Variants in ZNF133 observed in about 807,000 individuals in gnomAD.
ZNF133 encodes zinc finger protein 133 (clone pHZ-13).
In ZNF133, 26 loss-of-function variants were observed where a neutral mutation model predicts 54.9. The ratio of observed to expected loss-of-function variants is 0.47; its 90% CI spans 0.35 to 0.66. ZNF133 has a LOEUF of 0.66. Ranked by LOEUF, ZNF133 falls within the 30% of genes least tolerant of loss-of-function variation. The pLI is 0.01. For synonymous variants in ZNF133, 298 were observed against 320.3 expected (o/e 0.93, Z 0.74); for missense variants, 653 against 820.8 (o/e 0.80, Z 2.50).
chr20:18,306,163 C>A (rs2044541119), intron 5 of ZNF133, 135 bp from the exon 6 acceptor site: 2 of 764,382 alleles, frequency 2.6e-6, no homozygotes, highest in African/African-American at 3.5e-5. Context: ...CCTTCCATTT[C>A]TGAGAGCCCC....
chr20:18,306,756 A>G, intron 6 of ZNF133: 1 of 1,321,496 alleles, frequency 7.6e-7, no homozygotes, highest in Non-Finnish European at 9.9e-7. Context: ...AGGCAAGCCC[A>G]GTGGGAGGAA....
intron 1 of ZNF133, chr20:18,290,081 G>A: frequency 6.6e-6 from 1 of 152,434 alleles, no homozygotes; most frequent in Non-Finnish European, 1.5e-5. Flanking sequence ...TCAGGTGGGT[G>A]CCACTTACCT....
At chr20:18,303,183 A>AT (rs1215480378) in intron 3 of ZNF133, among the ~76,000 whole-genome samples, 1 of 151,712 alleles carries the variant, frequency 6.6e-6, no homozygotes, top group Non-Finnish European at 1.5e-5. Flanking sequence ...AGTAGCTGGG[A>AT]TTATAGGTGC....
At chr20:18,288,841 A>G (rs1002819161) in intron 1 of ZNF133, among the ~76,000 whole-genome samples, 1 of 151,962 alleles carries the variant, frequency 6.6e-6, no homozygotes, top group African/African-American at 2.4e-5. Context: ...GTGAAACTGG[A>G]TGGTGATGAG....
In ZNF133 at chr20:18,316,702, C is replaced by T. The variant is rs1315221380; in HGVS notation, c.1851C>T (p.Leu617=). 6.2e-7 allele frequency: 1 copy of T among 1,614,090 alleles called. No homozygotes were observed. Among genetic ancestry groups the T allele is most frequent in the African/African-American group, 1.3e-5 (1 of 74,932 alleles). ...AGACGTGTGGGCGGGGCTTCAGCCT[C>T]AAGTCTCACCTCAGCAGACACAGGA... ...VCKTCGRGFS[L]KSHLSRHRKT... Residue 617 remains leucine, a synonymous_variant, in exon 7 of 7, where the codon CTC becomes CTT. Coordinates refer to ENST00000425686, the MANE Select transcript of ZNF133 (RefSeq NM_001352452.2).
rs754456291 is a variant in ZNF133 at position 18,316,432 on chromosome 20, C to T, written c.1581C>T (p.Cys527=). 6.8e-6 allele frequency: 11 copies of T among 1,613,514 alleles called. No homozygotes were observed. Among genetic ancestry groups the T allele is most frequent in the Admixed American group, 1.7e-5 (1 of 59,974 alleles). The change falls in exon 7 of 7, where the codon TGC becomes TGT. Residue 527 remains cysteine, a synonymous_variant. Coordinates refer to ENST00000425686, the MANE Select transcript of ZNF133 (RefSeq NM_001352452.2). ...AGAGGCCGTATGTGTGCCGAGAGTG[C>T]GGGCGAGGCTTTAGCCACCAGGCCG... is the stretch of plus-strand genomic sequence containing the variant. ...SGERPYVCRE[C]GRGFSHQAGL... is the part of the protein sequence containing the mutation.
Position 18,288,565 on chromosome 20 carries a change from G to C in ZNF133, c.-471G>C. On this transcript the variant is annotated 5_prime_UTR_variant, in exon 1 of 7. Transcript: ENST00000425686. ...GGCGCCCCGCTGGAGGAGCTCCCCA[G>C]CTGGTGGCTGGAGCGACCCCTTGTT... 1 of 398,714 alleles carries C rather than the reference G, an allele frequency of 2.5e-6. No individual in the cohort carries two copies. The highest frequency in any genetic ancestry group is 2.1e-5 in the African/African-American group (1 of 48,770). 24.7% of individuals were successfully genotyped at this position (398,714 alleles called of 1,614,324 possible).
rs1302305602 is a variant in ZNF133 at position 18,305,470 on chromosome 20, G to A, written c.-6-211G>A. On this transcript the variant is annotated intron_variant, in intron 4 of 6. Coordinates refer to ENST00000425686, the MANE Select transcript of ZNF133 (RefSeq NM_001352452.2). This position sits in a 1 kb window ranked among gnomAD's most constrained non-coding sequence, Gnocchi z 4.7. Reference sequence around the variant, plus strand: ...ACTCCATTTTGTGCACATATACCCTGTGTGGCCCCCCAGGATCTTGACTGT... The same window carrying A: ...ACTCCATTTTGTGCACATATACCCTATGTGGCCCCCCAGGATCTTGACTGT... Among the ~76,000 whole-genome samples, 2 of 152,096 alleles carry A rather than the reference G, an allele frequency of 1.3e-5. No homozygotes were observed. The highest frequency in any genetic ancestry group is 2.9e-5 in the Non-Finnish European group (2 of 68,022).
chr20:18,297,794 AC>A (rs1280662542), intron 1 of ZNF133, among the ~76,000 whole-genome samples, 190 bp from the exon 2 acceptor site: 1 of 151,648 alleles, frequency 6.6e-6, no homozygotes, highest in African/African-American at 2.4e-5. Flanking sequence ...GTTTTGGAAG[AC>A]CCTGGATTAC....
chr20:18,301,409 A>C (rs928143828), intron 3 of ZNF133, among the ~76,000 whole-genome samples: 1 of 152,094 alleles, frequency 6.6e-6, no homozygotes, highest in Non-Finnish European at 1.5e-5. Context: ...GAAGGAAATA[A>C]TAAACACTGG....
In ZNF133 at chr20:18,305,021, T is replaced by G; in HGVS notation, c.-164T>G. 2.0e-6 allele frequency: 2 copies of G among 985,404 alleles called. No individual in the cohort carries two copies. The highest frequency in any genetic ancestry group is 2.4e-6 in the Non-Finnish European group (2 of 829,954). 61.0% of individuals were successfully genotyped at this position (985,404 alleles called of 1,614,324 possible). A position where few individuals can be genotyped will look rare whatever the true frequency, so the allele number is the denominator to read the frequency against. On this transcript the variant is annotated 5_prime_UTR_variant, in exon 4 of 7. Coordinates refer to ENST00000425686, the MANE Select transcript of ZNF133 (RefSeq NM_001352452.2). The surrounding 1 kb of genome is among the most constrained non-coding windows in gnomAD (Gnocchi z 4.7). Reference sequence around the variant, plus strand: ...TCTCTATTCCAGTGTGTCCTCCATTTGGAAGTAGTGCTAAGAAAATTAAAA... The same window carrying G: ...TCTCTATTCCAGTGTGTCCTCCATTGGGAAGTAGTGCTAAGAAAATTAAAA...
chr20:18,310,016 C>T (rs954248124), intron 6 of ZNF133, among the ~76,000 whole-genome samples: 3 of 152,160 alleles, frequency 2.0e-5, no homozygotes, highest in Admixed American at 2.0e-4. Context: ...TACACCCTGA[C>T]CTTTGTACAT....
At chr20:18,298,775 A>T (rs1668773301) in intron 3 of ZNF133, among the ~76,000 whole-genome samples, 2 of 152,112 alleles carry the variant, frequency 1.3e-5, no homozygotes, top group African/African-American at 4.8e-5. Context: ...CCCCCACTGA[A>T]GTTCTCTTTT....
Position 18,315,371 on chromosome 20 carries a change from C to G in ZNF133, c.520C>G (p.Pro174Ala), listed in dbSNP as rs2047215847. 2 of 1,614,144 alleles carry G rather than the reference C, an allele frequency of 1.2e-6. No individual in the cohort carries two copies. The highest frequency in any genetic ancestry group is 1.7e-6 in the Non-Finnish European group (2 of 1,180,008). Reference sequence around the variant, plus strand: ...GTTCTCCAGGCCACCCCAGAGGCAGCCAGTCAGCTCTCGGAACGGCCTCAG... The same window carrying G: ...GTTCTCCAGGCCACCCCAGAGGCAGGCAGTCAGCTCTCGGAACGGCCTCAG... ...GAFSRPPQRQPVSSRNGLRGV... is the reference protein window; with the variant it reads ...GAFSRPPQRQAVSSRNGLRGV... The change falls in exon 7 of 7, where the codon CCA becomes GCA. Residue 174 changes from proline (P) to alanine (A), a missense_variant. This residue lies in a region of ZNF133 where 227 missense variants were observed against 233.9 expected (regional missense o/e 0.97). Coordinates refer to ENST00000425686, the MANE Select transcript of ZNF133 (RefSeq NM_001352452.2).
At chr20:18,308,524 T>C (rs774289669) in intron 6 of ZNF133, among the ~76,000 whole-genome samples, 1 of 152,246 alleles carries the variant, frequency 6.6e-6, no homozygotes, top group Non-Finnish European at 1.5e-5. Flanking sequence ...ATTTTTATCT[T>C]ACTCATTAAT....
At position 18,316,397 on chromosome 20, in the gene ZNF133, C is replaced by T; in HGVS notation, c.1546C>T (p.His516Tyr). 1 of 1,613,982 alleles carries T rather than the reference C, an allele frequency of 6.2e-7. No homozygotes were observed. The highest frequency in any genetic ancestry group is 8.5e-7 in the Non-Finnish European group (1 of 1,179,936). Residue 516 changes from histidine (H) to tyrosine (Y), a missense_variant, in exon 7 of 7, where the codon CAC (histidine) becomes TAC (tyrosine). Physicochemically the swap from His to Tyr is moderately conservative, Grantham distance 83 (BLOSUM62 2). Coordinates refer to ENST00000425686, the MANE Select transcript of ZNF133 (RefSeq NM_001352452.2). ...AAACCTTGTTGCACACCAGAGGACG[C>T]ACTCAGGGGAGAGGCCGTATGTGTG... is the stretch of plus-strand genomic sequence containing the variant. ...KSNLVAHQRTHSGERPYVCRE... is the reference protein window; with the variant it reads ...KSNLVAHQRTYSGERPYVCRE...
At chr20:18,306,215 T>C in intron 5 of ZNF133, 83 bp from the exon 6 acceptor site, 1 of 1,357,496 alleles carries the variant, frequency 7.4e-7, no homozygotes, top group Non-Finnish European at 1.0e-6. Flanking sequence ...ACCTTTGAAG[T>C]TTCCTAGGCT....
At position 18,305,047 on chromosome 20, in the gene ZNF133, G is replaced by T; in HGVS notation, c.-138G>T. On this transcript the variant is annotated 5_prime_UTR_variant, in exon 4 of 7. Transcript: ENST00000425686. This position sits in a 1 kb window ranked among gnomAD's most constrained non-coding sequence, Gnocchi z 4.7. ...GGAAGTAGTGCTAAGAAAATTAAAA[G>T]AATAAAACTGGGCAGGGGCATGAGA... 1.0e-6 allele frequency: 1 copy of T among 985,444 alleles called. No homozygotes were observed. Among genetic ancestry groups the T allele is most frequent in the Non-Finnish European group, 1.2e-6 (1 of 829,986 alleles). The allele number at this position is 985,444 out of a possible 1,614,324, so 61.0% of individuals were successfully genotyped here.
intron 6 of ZNF133, 24 bp from the exon 7 acceptor site, chr20:18,315,045 T>A (rs781513530): frequency 7.9e-6 from 12 of 1,516,610 alleles, no homozygotes; most frequent in Non-Finnish European, 1.1e-5. Flanking sequence ...GACTCAGTTG[T>A]GACTCACACT....
Sources: allele counts gnomAD v4.1 joint callset (sites outside exome capture counted in the v4.1 genomes callset), GRCh38; gene constraint gnomAD v4.1.1; regional missense constraint gnomAD v4.1.1; non-coding constraint Gnocchi (gnomAD v3.1); transcripts MANE v1.5; gene names NCBI Gene and HGNC (gene_info 2026-07-23, HGNC 2026-07-21).